The following BRD2 variants were observed in gnomAD, a reference collection of about 807,000 sequenced individuals.
BRD2 encodes bromodomain-containing protein 2.
A neutral mutation model predicts 79.1 loss-of-function variants in BRD2; 15 were observed. That is an observed-to-expected ratio of 0.19 (90% CI 0.13 to 0.29). The LOEUF (loss-of-function observed/expected upper bound fraction) is 0.29, where lower values mean the gene tolerates loss of function less well. BRD2 is among the 10% of genes least tolerant of loss of function. The pLI is 1.00. For missense variants in BRD2, 1,053 were observed against 991.3 expected (o/e 1.06, Z -0.84); for synonymous variants, 488 against 358.6 (o/e 1.36, Z -4.08).
At chr6:32,974,167 C>T (rs1365843398) in intron 2 of BRD2, among the ~76,000 whole-genome samples, 2 of 152,092 alleles carry the variant, frequency 1.3e-5, no homozygotes, top group African/African-American at 4.8e-5. Flanking sequence ...TCTGAGATGT[C>T]GTGCCTTGTC....
At chr6:32,974,187 T>C (rs1778407134) in intron 2 of BRD2, among the ~76,000 whole-genome samples, 1 of 152,134 alleles carries the variant, frequency 6.6e-6, no homozygotes, top group South Asian at 2.1e-4. Flanking sequence ...CAGAAACAAT[T>C]TGGGAGTTTT....
chr6:32,972,158 C>A lies in BRD2; in HGVS notation c.-741C>A. ...GCGCATGAGCGGCGAAGCTCCTCCT[C>A]CCCGCCTATATATAAAGGGCTGGCG... On this transcript the variant is annotated 5_prime_UTR_variant, in exon 2 of 13. Transcript: ENST00000374825. 1 of 635,328 alleles carries A rather than the reference C, an allele frequency of 1.6e-6. No homozygotes were observed. 39.4% of individuals were successfully genotyped at this position (635,328 alleles called of 1,614,324 possible).
At position 32,976,268 on chromosome 6, in the gene BRD2, C is replaced by T. The variant is rs1407197674; in HGVS notation, c.629C>T (p.Thr210Ile). 5 of 1,613,054 alleles carry T rather than the reference C, an allele frequency of 3.1e-6. No homozygotes were observed. The highest frequency in any genetic ancestry group is 4.2e-6 in the Non-Finnish European group (5 of 1,180,016). ...TTTCTAGCGCTCCAGGGCAGTGTTACCAGTGCCCATCAGGTGCCTGCCGTC... is the reference window on the plus strand; with the variant it reads ...TTTCTAGCGCTCCAGGGCAGTGTTATCAGTGCCCATCAGGTGCCTGCCGTC... ...AKLAALQGSV[T>I]SAHQVPAVSS... The change falls in exon 6 of 13, where the codon ACC (threonine) becomes ATC (isoleucine). Residue 210 changes from threonine to isoleucine, a missense_variant. Physicochemically the swap from Thr to Ile is moderately conservative, Grantham distance 89. This residue lies in a region of BRD2 where 413 missense variants were observed against 335.1 expected (regional missense o/e 1.23). Transcript: ENST00000374825.
chr6:32,980,451 G>GC lies in BRD2; in HGVS notation c.2262dup (p.Lys755GlnfsTer5), dbSNP rs1292405303. On this transcript the variant is annotated frameshift_variant, in exon 12 of 13. Transcript: ENST00000374825. LOFTEE classifies it high-confidence loss of function. ...GCGGACAGCTCAATTCTACTAAAAA[G>GC]CCCCCCAAGAAAGGTGAGTATATAC... The GC allele has an allele frequency of 6.2e-7, 1 of 1,613,002 alleles. No homozygotes were observed.
rs1778143269 is a variant in BRD2 at position 32,972,489 on chromosome 6, T to C, written c.-410T>C. 6.6e-6 allele frequency: 2 copies of C among 305,122 alleles called. No individual in the cohort carries two copies. Among genetic ancestry groups the C allele is most frequent in the Admixed American group, 4.9e-5 (1 of 20,596 alleles). The allele number at this position is 305,122 out of a possible 1,614,324, so 18.9% of individuals were successfully genotyped here. ...CGGCGGCTCCCTAAACCACTTTTCG[T>C]GTTCATCCGCCTCCATCCGAGATCG... is the stretch of plus-strand genomic sequence containing the variant. On this transcript the variant is annotated 5_prime_UTR_variant, in exon 2 of 13. Coordinates refer to ENST00000374825, the MANE Select transcript of BRD2 (RefSeq NM_005104.4).
rs775295477 is a variant in BRD2, at chr6:32,972,887, C to G, written c.-12C>G. On this transcript the variant is annotated 5_prime_UTR_variant, in exon 2 of 13. Coordinates refer to ENST00000374825, the MANE Select transcript of BRD2 (RefSeq NM_005104.4). ...CCGCGGCTGAGGGCAGCGCCGGTTCCTTGCGGTCAAGATGCTGCAAAACGT... is the reference window on the plus strand; with the variant it reads ...CCGCGGCTGAGGGCAGCGCCGGTTCGTTGCGGTCAAGATGCTGCAAAACGT... The G allele has an allele frequency of 6.2e-7, 1 of 1,614,052 alleles. No homozygotes were observed. The highest frequency in any genetic ancestry group is 1.1e-5 in the South Asian group (1 of 91,092).
intron 12 of BRD2, 31 bp from the exon 13 acceptor site, chr6:32,980,551 A>C (rs1435649137): frequency 6.8e-6 from 11 of 1,612,670 alleles, no homozygotes; most frequent in Non-Finnish European, 9.3e-6. Flanking sequence ...TTCAGACTTG[A>C]ACGTCTTTAA....
chr6:32,978,016 A>G lies in BRD2; in HGVS notation c.1578+11A>G, dbSNP rs200162928. The G allele has an allele frequency of 2.5e-6, 4 of 1,607,106 alleles. No homozygotes were observed. Among genetic ancestry groups the G allele is most frequent in the Non-Finnish European group, 3.4e-6 (4 of 1,178,450 alleles). ...GAACTACAGGAACAGGTATTTTGTC[A>G]CTCTTGAAAGTTTTTATTGGGTAAG... is the stretch of plus-strand genomic sequence containing the variant. On this transcript the variant is annotated intron_variant, in intron 9 of 12. Coordinates refer to ENST00000374825, the MANE Select transcript of BRD2 (RefSeq NM_005104.4).
In BRD2 at chr6:32,969,065, G is replaced by A; in HGVS notation, c.-1305+9G>A. The A allele has an allele frequency of 2.1e-6, 1 of 473,726 alleles. No individual in the cohort carries two copies. The allele number at this position is 473,726 out of a possible 1,614,324, so 29.3% of individuals were successfully genotyped here. On this transcript the variant is annotated intron_variant, in intron 1 of 12. Transcript: ENST00000374825. ...AAGGCTTTAGGATCCAGGTGAGAAG[G>A]GGCCCTTGTGGGGCGGAGATGTCAG...
chr6:32,970,366 C>A (rs1309653000), intron 1 of BRD2: 4 of 152,492 alleles, frequency 2.6e-5, no homozygotes. Context: ...CCCGCCCTCC[C>A]GGGGTTTGCC....
rs574317080 is a variant in BRD2, at chr6:32,972,806, A to C, written c.-93A>C. The C allele has an allele frequency of 8.1e-6, 13 of 1,595,194 alleles. No homozygotes were observed. Among genetic ancestry groups the C allele is most frequent in the Non-Finnish European group, 1.0e-5 (12 of 1,167,752 alleles). On this transcript the variant is annotated 5_prime_UTR_variant, in exon 2 of 13. Coordinates refer to ENST00000374825, the MANE Select transcript of BRD2 (RefSeq NM_005104.4). ...GCCCAAGAGGAACGGCCTCCCCCCA[A>C]CTTAGCGGGTTATGCTGGACCGGGC...
chr6:32,970,061 G>A (rs893496973), intron 1 of BRD2, among the ~76,000 whole-genome samples: 1 of 152,222 alleles, frequency 6.6e-6, no homozygotes, highest in African/African-American at 2.4e-5. Flanking sequence ...GGGAATAAAC[G>A]AGAGCAATGT....
chr6:32,970,949 G>C (rs1327672129), intron 1 of BRD2: 2 of 151,870 alleles, frequency 1.3e-5, no homozygotes, highest in East Asian at 1.9e-4. Context: ...CCTCCCTGGC[G>C]CTGACCGATG....
In BRD2 at chr6:32,980,676, C is replaced by G. The variant is rs748938252; in HGVS notation, c.2364C>G (p.Ser788=). The change falls in exon 13 of 13, where the codon TCC becomes TCG. Residue 788 remains serine, a synonymous_variant. Transcript: ENST00000374825. ...GCTCAGATTCCAGCTCCTCCTCTTC[C>G]TCGTCGTCGTCTTCAGACACCAGTG... ...SSSSDSSSSS[S]SSSSSDTSDS... The G allele has an allele frequency of 1.9e-6, 3 of 1,613,142 alleles. No homozygotes were observed. Among genetic ancestry groups the G allele is most frequent in the Non-Finnish European group, 8.5e-7 (1 of 1,180,038 alleles).
rs1279122070 is a variant in BRD2 at position 32,976,616 on chromosome 6, T to C, written c.880T>C (p.Leu294=). 2 of 1,611,110 alleles carry C rather than the reference T, an allele frequency of 1.2e-6. No homozygotes were observed. The highest frequency in any genetic ancestry group is 8.5e-7 in the Non-Finnish European group (1 of 1,179,634). The change falls in exon 7 of 13, where the codon TTG becomes CTG. Residue 294 remains leucine, a synonymous_variant. Coordinates refer to ENST00000374825, the MANE Select transcript of BRD2 (RefSeq NM_005104.4). The stretch of plus-strand genomic sequence containing the variant: ...TACCACCCCTACACCTACAGCCATC[T>C]TGGCTCCTGGTTCTCCAGCTAGCCC... ...DTTTPTPTAI[L]APGSPASPPG... is the part of the protein sequence containing the mutation.
intron 10 of BRD2, 40 bp downstream of exon 10, chr6:32,978,428 C>T (rs1215561646): frequency 6.9e-6 from 11 of 1,593,404 alleles, no homozygotes; most frequent in Non-Finnish European, 9.4e-6. Flanking sequence ...TTGGCTATTT[C>T]TGTCTCTCTG....
intron 11 of BRD2, 84 bp from the exon 12 acceptor site, chr6:32,980,258 A>C (rs1779343663): frequency 1.3e-6 from 2 of 1,585,322 alleles, no homozygotes; most frequent in Non-Finnish European, 1.7e-6. Context: ...GCTGACGTTC[A>C]AGAAGGGAAC....
At position 32,974,569 on chromosome 6, in the gene BRD2, C is replaced by G; in HGVS notation, c.137C>G (p.Pro46Arg). 1 of 1,614,206 alleles carries G rather than the reference C, an allele frequency of 6.2e-7. No homozygotes were observed. The highest frequency in any genetic ancestry group is 8.5e-7 in the Non-Finnish European group (1 of 1,180,034). ...PSLLYEGFESPTMASVPALQL... is the reference protein window; with the variant it reads ...PSLLYEGFESRTMASVPALQL... Reference sequence around the variant, plus strand: ...CTCTTGTATGAGGGCTTTGAGAGCCCCACAATGGCTTCGGTGCCTGCTTTG... The same window carrying G: ...CTCTTGTATGAGGGCTTTGAGAGCCGCACAATGGCTTCGGTGCCTGCTTTG... The change falls in exon 3 of 13, where the codon CCC (proline) becomes CGC (arginine). Residue 46 changes from proline (P) to arginine (R), a missense_variant. Physicochemically the swap from Pro to Arg is moderately radical, Grantham distance 103 (BLOSUM62 -2). Transcript: ENST00000374825.
At position 32,972,691 on chromosome 6, in the gene BRD2, T is replaced by C; in HGVS notation, c.-208T>C. On this transcript the variant is annotated 5_prime_UTR_variant, in exon 2 of 13. Coordinates refer to ENST00000374825, the MANE Select transcript of BRD2 (RefSeq NM_005104.4). ...CGCCATTTTCTTGCTGTCCGCCGTC[T>C]GCAGAGCGCGCCAAGCTGCCCGGAG... is the stretch of plus-strand genomic sequence containing the variant. 1 of 680,408 alleles carries C rather than the reference T, an allele frequency of 1.5e-6. No individual in the cohort carries two copies. Among genetic ancestry groups the C allele is most frequent in the African/African-American group, 1.8e-5 (1 of 55,516 alleles). 42.1% of individuals were successfully genotyped at this position (680,408 alleles called of 1,614,324 possible). A position where few individuals can be genotyped will look rare whatever the true frequency, so the allele number is the denominator to read the frequency against.
Sources: gnomAD v4.1 joint callset for allele counts (sites outside exome capture counted in the v4.1 genomes callset) on GRCh38, gnomAD v4.1.1 for gene constraint, gnomAD v4.1.1 regional missense constraint, MANE v1.5 for transcripts, NCBI Gene and HGNC (gene_info 2026-07-23, HGNC 2026-07-21) for gene names.